Variants in GRIN2B observed in about 807,000 individuals in gnomAD.
The protein encoded by GRIN2B is glutamate receptor ionotropic, NMDA 2B.
In GRIN2B, 5 loss-of-function variants were observed where a neutral mutation model predicts 114.5. The observed-to-expected ratio is 0.04, with a 90% CI of 0.02 to 0.09. GRIN2B has a LOEUF of 0.09. Ranked by LOEUF, GRIN2B falls within the 10% of genes least tolerant of loss-of-function variation. The probability of loss-of-function intolerance (pLI) is 1.00; values close to 1 mark genes in which losing one functional copy is unlikely to be tolerated. For missense variants in GRIN2B, 1,108 were observed against 1,943.5 expected (o/e 0.57, Z 8.08); for synonymous variants, 787 against 745.1 (o/e 1.06, Z -0.92).
Position 13,547,981 on chromosome 12 carries a change from A to ATATATATATATTTTTT in GRIN2B, c.*14801_*14802insAAAAAATATATATATA. Reference sequence around the variant, plus strand: ...TGTGTATATATATATATATATATATATTTTTTTTTTTTTTCTGAAAGCTAC... The same window carrying ATATATATATATTTTTT: ...TGTGTATATATATATATATATATATATATATATATATTTTTTTTTTTTTTTTTTTTCTGAAAGCTAC... On this transcript the variant is annotated 3_prime_UTR_variant, in exon 14 of 14. Transcript: ENST00000609686. The ATATATATATATTTTTT allele has an allele frequency of 4.4e-5, 3 of 68,570 alleles. No individual in the cohort carries two copies. Among genetic ancestry groups the ATATATATATATTTTTT allele is most frequent in the Non-Finnish European group, 8.7e-5 (3 of 34,382 alleles). 4.2% of individuals were successfully genotyped at this position (68,570 alleles called of 1,614,324 possible).
intron 4 of GRIN2B, among the ~76,000 whole-genome samples, chr12:13,750,070 A>C (rs528749725): frequency 6.6e-6 from 1 of 152,314 alleles, no homozygotes; most frequent in Admixed American, 6.5e-5. Flanking sequence ...TTAGTGGAGA[A>C]GTAGGTAGGT....
intron 2 of GRIN2B, among the ~76,000 whole-genome samples, chr12:13,909,090 C>T (rs1317917420): frequency 6.6e-6 from 1 of 152,176 alleles, no homozygotes; most frequent in Non-Finnish European, 1.5e-5. Flanking sequence ...TTCTTCTCTC[C>T]TTCTGCCTTC....
chr12:13,608,506 T>TTAGAAG, intron 10 of GRIN2B, 97 bp downstream of exon 10: 1 of 866,042 alleles, frequency 1.2e-6, no homozygotes, highest in African/African-American at 1.7e-5. Context: ...AACGGTCAAT[T>TTAGAAG]CCAAAAATTT....
At chr12:13,805,091 T>C (rs979468828) in intron 3 of GRIN2B, among the ~76,000 whole-genome samples, 1 of 152,194 alleles carries the variant, frequency 6.6e-6, no homozygotes, top group Non-Finnish European at 1.5e-5. Context: ...ATTTATTTCA[T>C]TTTTTAGTAT....
At chr12:13,968,242 C>T (rs1316214598) in intron 2 of GRIN2B, among the ~76,000 whole-genome samples, 2 of 152,280 alleles carry the variant, frequency 1.3e-5, no homozygotes, top group East Asian at 1.9e-4. Context: ...GAATTCAAGG[C>T]CACATCATAC....
At chr12:13,888,929 A>G (rs1007178727) in intron 2 of GRIN2B, among the ~76,000 whole-genome samples, 2 of 152,114 alleles carry the variant, frequency 1.3e-5, no homozygotes, top group African/African-American at 4.8e-5. Context: ...TAAACATTGA[A>G]TACTTAGGAT....
chr12:13,605,861 G>A (rs1395626799), intron 10 of GRIN2B, among the ~76,000 whole-genome samples: 1 of 152,162 alleles, frequency 6.6e-6, no homozygotes, highest in Non-Finnish European at 1.5e-5. Context: ...GAAGCATTTT[G>A]ATACCCATGC....
intron 5 of GRIN2B, among the ~76,000 whole-genome samples, chr12:13,644,922 G>A (rs1949749022): frequency 6.6e-6 from 1 of 152,128 alleles, no homozygotes; most frequent in African/African-American, 2.4e-5. Context: ...AAGGAATGCT[G>A]TGGCTGATTT....
At chr12:13,885,248 G>A (rs1565574971) in intron 2 of GRIN2B, among the ~76,000 whole-genome samples, 1 of 152,164 alleles carries the variant, frequency 6.6e-6, no homozygotes, top group South Asian at 2.1e-4. Context: ...GATTTTAGCA[G>A]TAGTACATAA....
chr12:13,594,796 G>C (rs1261224018), intron 10 of GRIN2B, among the ~76,000 whole-genome samples: 2 of 152,058 alleles, frequency 1.3e-5, no homozygotes, highest in Non-Finnish European at 2.9e-5. Context: ...TGGGTGTATT[G>C]GATAACGTGT....
chr12:13,695,161 A>G (rs759437671), intron 4 of GRIN2B, among the ~76,000 whole-genome samples: 1 of 152,160 alleles, frequency 6.6e-6, no homozygotes, highest in Non-Finnish European at 1.5e-5. Flanking sequence ...AAATAAAGGA[A>G]TTTGTATTTT....
rs961473027 is a variant in GRIN2B, at chr12:13,539,034, A to G, written c.*23749T>C. On this transcript the variant is annotated 3_prime_UTR_variant, in exon 14 of 14. Transcript: ENST00000609686. Reference sequence around the variant, plus strand: ...ATCTCCAGAAGTAAAGAGAATCACTATATCTGGGAAGAATCTGGCTTTATG... The same window carrying G: ...ATCTCCAGAAGTAAAGAGAATCACTGTATCTGGGAAGAATCTGGCTTTATG... The G allele has an allele frequency of 3.3e-5, 5 of 152,220 alleles. No homozygotes were observed. Among genetic ancestry groups the G allele is most frequent in the East Asian group, 1.9e-4 (1 of 5,202 alleles). 9.4% of individuals were successfully genotyped at this position (152,220 alleles called of 1,614,324 possible).
At chr12:13,861,079 C>T (rs1304012625) in intron 3 of GRIN2B, among the ~76,000 whole-genome samples, 2 of 152,086 alleles carry the variant, frequency 1.3e-5, no homozygotes, top group South Asian at 2.1e-4. Context: ...TAGGGCAGAA[C>T]ACAAAATTTA....
chr12:13,737,225 T>A (rs1375776838), intron 4 of GRIN2B, among the ~76,000 whole-genome samples: 1 of 151,926 alleles, frequency 6.6e-6, no homozygotes, highest in Non-Finnish European at 1.5e-5. Flanking sequence ...TTTTTTCTTT[T>A]TTTTGAGATG....
intron 2 of GRIN2B, among the ~76,000 whole-genome samples, chr12:13,944,588 C>T (rs947711580): frequency 3.3e-5 from 5 of 152,180 alleles, no homozygotes; most frequent in Admixed American, 3.3e-4. Context: ...TTTACATCTA[C>T]TTCCTCTAGT....
chr12:13,726,832 C>T (rs1454641013), intron 4 of GRIN2B, among the ~76,000 whole-genome samples: 1 of 151,970 alleles, frequency 6.6e-6, no homozygotes, highest in Non-Finnish European at 1.5e-5. Context: ...ACCCTTTCCG[C>T]AAGTCCACAA....
chr12:13,588,542 G>T (rs1326187684), intron 10 of GRIN2B, among the ~76,000 whole-genome samples: 1 of 152,154 alleles, frequency 6.6e-6, no homozygotes, highest in Non-Finnish European at 1.5e-5. Flanking sequence ...ATATTAAAAG[G>T]ATGAAGTTAA....
At chr12:13,936,942 A>G (rs1194745079) in intron 2 of GRIN2B, among the ~76,000 whole-genome samples, 1 of 152,068 alleles carries the variant, frequency 6.6e-6, no homozygotes, top group Non-Finnish European at 1.5e-5. Flanking sequence ...CAAATTGGAG[A>G]TGGCAGAGAG....
intron 10 of GRIN2B, among the ~76,000 whole-genome samples, chr12:13,574,070 G>A (rs1334429453): frequency 6.6e-6 from 1 of 152,174 alleles, no homozygotes; most frequent in Non-Finnish European, 1.5e-5. Context: ...GGCCACTCAG[G>A]GTTAACTAGC....
Sources: gnomAD v4.1 joint callset for allele counts (sites outside exome capture counted in the v4.1 genomes callset) on GRCh38, gnomAD v4.1.1 for gene constraint, MANE v1.5 for transcripts, NCBI Gene and HGNC (gene_info 2026-07-23, HGNC 2026-07-21) for gene names.